Variants in CLNK observed in about 807,000 individuals in gnomAD.
CLNK encodes cytokine-dependent hematopoietic cell linker.
In CLNK, 74 loss-of-function variants were observed where a neutral mutation model predicts 68.6. That is an observed-to-expected ratio of 1.08 (90% CI 0.89 to 1.31). CLNK has a LOEUF of 1.31. Among genes scored for constraint, CLNK ranks in the 50% most tolerant of loss-of-function variants. The pLI, the probability that CLNK is intolerant of heterozygous loss-of-function variation, is 0.00. For synonymous variants in CLNK, 198 were observed against 172.2 expected (o/e 1.15, Z -1.17); for missense variants, 553 against 515.3 (o/e 1.07, Z -0.71).
At chr4:10,567,550 AT>A (rs1720170303) in intron 5 of CLNK, among the ~76,000 whole-genome samples, 1 of 152,226 alleles carries the variant, frequency 6.6e-6, no homozygotes, top group Non-Finnish European at 1.5e-5. Flanking sequence ...GAACAAAAAA[AT>A]ACAAGCAATA....
chr4:10,490,445 C>T lies in CLNK; in HGVS notation c.*22G>A. 2 of 1,607,960 alleles carry T rather than the reference C, an allele frequency of 1.2e-6. No individual in the cohort carries two copies. The highest frequency in any genetic ancestry group is 2.2e-5 in the South Asian group (2 of 89,340). ...AATGGAAGCGCTGAATCCAGTAAAC[C>T]AAAGATAACACAAAGACCAGGCTAC... On this transcript the variant is annotated 3_prime_UTR_variant, in exon 19 of 19. Coordinates refer to ENST00000226951, the MANE Select transcript of CLNK (RefSeq NM_052964.4).
rs534927370 is a variant in CLNK at position 10,565,662 on chromosome 4, T to C, written c.292+347A>G. Among the ~76,000 whole-genome samples the C allele has an allele frequency of 6.8e-4, 104 of 152,202 alleles. No individual in the cohort carries two copies. The South Asian group carries it at 0.011, about 16-fold the overall frequency. Reference sequence around the variant, plus strand: ...CTGCTGCATCCCTGCTTGTCCACCCTCCGTTATGCTCATCATTGTTCCTAG... The same window carrying C: ...CTGCTGCATCCCTGCTTGTCCACCCCCCGTTATGCTCATCATTGTTCCTAG... On this transcript the variant is annotated intron_variant, in intron 6 of 18. Coordinates refer to ENST00000226951, the MANE Select transcript of CLNK (RefSeq NM_052964.4).
At chr4:10,586,182 C>G (rs921249586) in intron 3 of CLNK, among the ~76,000 whole-genome samples, 5 of 152,134 alleles carry the variant, frequency 3.3e-5, no homozygotes, top group African/African-American at 1.2e-4. Context: ...ACACCACAGA[C>G]CAGTACTGGT....
At chr4:10,599,039 A>G (rs533967356) in intron 2 of CLNK, among the ~76,000 whole-genome samples, 23 of 152,372 alleles carry the variant, frequency 1.5e-4, no homozygotes, top group African/African-American at 5.3e-4. Flanking sequence ...CTACTTCCTC[A>G]GAGAATCCTC....
At chr4:10,579,310 G>T (rs921054639) in intron 4 of CLNK, among the ~76,000 whole-genome samples, 1 of 152,124 alleles carries the variant, frequency 6.6e-6, no homozygotes. Flanking sequence ...CACCATCTCT[G>T]AGTAAAGTAT....
At chr4:10,510,228 G>T (rs182742592) in intron 16 of CLNK, among the ~76,000 whole-genome samples, 1 of 152,178 alleles carries the variant, frequency 6.6e-6, no homozygotes, top group East Asian at 1.9e-4. Flanking sequence ...AATCACTTGC[G>T]GGGGGAGGGG....
At chr4:10,676,316 T>C (rs1188948667) in intron 1 of CLNK, among the ~76,000 whole-genome samples, 1 of 152,058 alleles carries the variant, frequency 6.6e-6, no homozygotes, top group Non-Finnish European at 1.5e-5. Context: ...TCAATTTAAT[T>C]AAATATAACA....
At chr4:10,505,529 T>C (rs756937304) in intron 17 of CLNK, among the ~76,000 whole-genome samples, 42 of 152,226 alleles carry the variant, frequency 2.8e-4, no homozygotes, top group Non-Finnish European at 5.7e-4. Flanking sequence ...TCTCTTATAG[T>C]TCTGGAGGTC....
chr4:10,510,964 C>G (rs1717555777), intron 16 of CLNK, among the ~76,000 whole-genome samples: 1 of 152,176 alleles, frequency 6.6e-6, no homozygotes, highest in South Asian at 2.1e-4. Flanking sequence ...ATCAGCCTGG[C>G]CAACGTGGTG....
intron 12 of CLNK, among the ~76,000 whole-genome samples, chr4:10,529,863 A>G (rs1165645784): frequency 6.6e-6 from 1 of 152,218 alleles, no homozygotes; most frequent in Non-Finnish European, 1.5e-5. Context: ...TTAAAATCAA[A>G]TGTAGTTAGA....
rs561770059 is a variant in CLNK, at chr4:10,511,209, C to T, written c.906+2255G>A. 4.6e-5 allele frequency among the ~76,000 whole-genome samples: 7 copies of T among 152,136 alleles called. No individual in the cohort carries two copies. In the East Asian group the frequency reaches 1.4e-3, roughly 29 times the overall value. ...CATATTTGATTGAAGTCTCCTATCT[C>T]CCTAAAAAGTATAAAACCAAGCTGC... On this transcript the variant is annotated intron_variant, in intron 16 of 18. Coordinates refer to ENST00000226951, the MANE Select transcript of CLNK (RefSeq NM_052964.4).
At chr4:10,675,067 G>A (rs948664227) in intron 1 of CLNK, among the ~76,000 whole-genome samples, 1 of 152,090 alleles carries the variant, frequency 6.6e-6, no homozygotes, top group African/African-American at 2.4e-5. Context: ...TGGGTTGGAT[G>A]GATGCAGCAA....
chr4:10,601,010 G>T (rs1034407857), intron 2 of CLNK, among the ~76,000 whole-genome samples: 13 of 152,132 alleles, frequency 8.5e-5, no homozygotes, highest in African/African-American at 3.1e-4. Flanking sequence ...ATCAGCTTTG[G>T]CCTTTTTAAC....
chr4:10,509,923 G>A (rs1321519938), intron 16 of CLNK, among the ~76,000 whole-genome samples: 4 of 152,136 alleles, frequency 2.6e-5, no homozygotes, highest in Non-Finnish European at 5.9e-5. Context: ...CTCCAGCAAA[G>A]CCACGTGACA....
the CLNK span, among the ~76,000 whole-genome samples, chr4:10,690,217 C>T: frequency 1.3e-5 from 2 of 152,194 alleles, no homozygotes; most frequent in East Asian, 1.9e-4. Flanking sequence ...CTACTTTACT[C>T]TCTCTAGCAA....
At chr4:10,723,221 A>G in the CLNK span, among the ~76,000 whole-genome samples, 1 of 152,166 alleles carries the variant, frequency 6.6e-6, no homozygotes, top group Non-Finnish European at 1.5e-5. Flanking sequence ...TTACTTGGGC[A>G]TAGAAAGTTG....
upstream of CLNK, among the ~76,000 whole-genome samples, chr4:10,685,336 A>G (rs967572521): frequency 6.6e-6 from 1 of 152,192 alleles, no homozygotes; most frequent in Non-Finnish European, 1.5e-5. Flanking sequence ...GGGATAATTG[A>G]GGATTATATT....
chr4:10,524,062 A>AAAAG (rs199562553), intron 14 of CLNK: 12 of 200,194 alleles, frequency 6.0e-5, no homozygotes, highest in Non-Finnish European at 1.1e-4. Flanking sequence ...AAGAAAAAAC[A>AAAAG]AAAGAAAGAA....
the CLNK span, among the ~76,000 whole-genome samples, chr4:10,720,999 A>T: frequency 6.6e-6 from 1 of 152,218 alleles, no homozygotes; most frequent in Admixed American, 6.5e-5. Flanking sequence ...AAAGGAATGA[A>T]TTGTTAATAC....
Sources: allele counts gnomAD v4.1 joint callset (sites outside exome capture counted in the v4.1 genomes callset), GRCh38; gene constraint gnomAD v4.1.1; transcripts MANE v1.5; gene names NCBI Gene and HGNC (gene_info 2026-07-23, HGNC 2026-07-21).